The following TBC1D14 variants were observed in gnomAD, a reference collection of about 807,000 sequenced individuals.
TBC1D14 encodes the protein TBC1 domain family, member 14.
TBC1D14 carries 26 observed loss-of-function variants against 79.0 expected under a neutral mutation model. The observed-to-expected ratio is 0.33, with a 90% CI of 0.24 to 0.46. The LOEUF is 0.46. Ranked by LOEUF, TBC1D14 falls within the 20% of genes least tolerant of loss-of-function variation. The pLI is 1.00. For synonymous variants in TBC1D14, 394 were observed against 349.9 expected (o/e 1.13, Z -1.40); for missense variants, 769 against 887.6 (o/e 0.87, Z 1.70).
At chr4:6,924,539 G>A (rs940241975) in intron 2 of TBC1D14, among the ~76,000 whole-genome samples, 5 of 152,188 alleles carry the variant, frequency 3.3e-5, no homozygotes, top group Admixed American at 6.5e-5. Flanking sequence ...CTGGCATGCC[G>A]GGTGTTCCAG....
chr4:6,987,404 C>T, intron 3 of TBC1D14: 3 of 1,365,334 alleles, frequency 2.2e-6, no homozygotes, highest in South Asian at 1.7e-5. Flanking sequence ...TGCCCGGTCC[C>T]GTGGGCCTGT....
chr4:7,023,126 C>T (rs374837066), intron 12 of TBC1D14, among the ~76,000 whole-genome samples: 25 of 152,194 alleles, frequency 1.6e-4, no homozygotes, highest in Middle Eastern at 3.4e-3. Flanking sequence ...TGGTCGTGGA[C>T]GCCTGTAATC....
chr4:6,955,556 G>T (rs1250529995), intron 2 of TBC1D14, among the ~76,000 whole-genome samples: 2 of 152,228 alleles, frequency 1.3e-5, no homozygotes, highest in East Asian at 1.9e-4. Flanking sequence ...CTCCATGGGA[G>T]CCGAGTGCTG....
chr4:6,936,452 A>G (rs529344305), intron 2 of TBC1D14, among the ~76,000 whole-genome samples: 38 of 152,268 alleles, frequency 2.5e-4, no homozygotes, highest in Middle Eastern at 3.4e-3. Context: ...GAGTCTCTTC[A>G]TGTCTTGATA....
intron 2 of TBC1D14, among the ~76,000 whole-genome samples, chr4:6,956,297 A>G (rs1295918833): frequency 6.6e-6 from 1 of 152,186 alleles, no homozygotes; most frequent in African/African-American, 2.4e-5. Context: ...GGGATTGTGC[A>G]GGACAGACCA....
At chr4:6,960,205 C>A (rs950897507) in intron 2 of TBC1D14, among the ~76,000 whole-genome samples, 7 of 151,218 alleles carry the variant, frequency 4.6e-5, no homozygotes, top group African/African-American at 1.7e-4. Context: ...CCTTAGTCTA[C>A]CAAGTAGCTG....
chr4:6,980,325 A>G (rs1577115633), intron 3 of TBC1D14, among the ~76,000 whole-genome samples: 1 of 152,186 alleles, frequency 6.6e-6, no homozygotes, highest in African/African-American at 2.4e-5. Flanking sequence ...TCACAAGGAA[A>G]ATTAGAAAAT....
chr4:7,010,625 T>G (rs765280812), intron 10 of TBC1D14, 28 bp from the exon 11 acceptor site: 5 of 1,605,226 alleles, frequency 3.1e-6, no homozygotes, highest in Non-Finnish European at 4.3e-6. Context: ...CCACTGTGAT[T>G]TTAACGTGCC....
At chr4:6,943,262 C>T (rs556320206) in intron 2 of TBC1D14, among the ~76,000 whole-genome samples, 98 of 152,266 alleles carry the variant, frequency 6.4e-4, no homozygotes, top group Non-Finnish European at 1.2e-3. Context: ...AAGAGGACTG[C>T]GCCCAGGACA....
chr4:7,026,191 A>T (rs940201030), intron 13 of TBC1D14, among the ~76,000 whole-genome samples: 9 of 151,894 alleles, frequency 5.9e-5, no homozygotes, highest in Non-Finnish European at 8.8e-5. Context: ...AAATATTTAC[A>T]AAACTAGAAC....
At chr4:6,938,870 T>C (rs1021941997) in intron 2 of TBC1D14, among the ~76,000 whole-genome samples, 27 of 152,242 alleles carry the variant, frequency 1.8e-4, no homozygotes, top group African/African-American at 6.5e-4. Flanking sequence ...TTTCAGGTCA[T>C]TGGGTTCCTC....
At chr4:6,950,590 T>TG (rs397943400) in intron 2 of TBC1D14, among the ~76,000 whole-genome samples, 2 of 1,800 alleles carry the variant, frequency 1.1e-3, no homozygotes, top group Non-Finnish European at 2.9e-3. Context: ...CTTTATTAGA[T>TG]AAGGAAGTCT....
chr4:6,943,585 C>A (rs1713123372), intron 2 of TBC1D14, among the ~76,000 whole-genome samples: 1 of 152,198 alleles, frequency 6.6e-6, no homozygotes, highest in African/African-American at 2.4e-5. Context: ...CGGGCAAATT[C>A]TTGTTTGTCC....
At chr4:6,991,789 G>A (rs1007822895) in intron 3 of TBC1D14, among the ~76,000 whole-genome samples, 1 of 152,160 alleles carries the variant, frequency 6.6e-6, no homozygotes, top group South Asian at 2.1e-4. Context: ...CAGTGTGCAC[G>A]CGTAAAGCAC....
chr4:6,980,081 C>T (rs967636811), intron 3 of TBC1D14, among the ~76,000 whole-genome samples: 1 of 152,108 alleles, frequency 6.6e-6, no homozygotes, highest in Non-Finnish European at 1.5e-5. Flanking sequence ...AACACAGCAC[C>T]CTCCAGCAAA....
intron 6 of TBC1D14, among the ~76,000 whole-genome samples, chr4:6,999,650 G>T (rs901006119): frequency 1.3e-5 from 2 of 152,038 alleles, no homozygotes; most frequent in African/African-American, 4.8e-5. Flanking sequence ...CTGGGGCCTC[G>T]CATGTTCCAG....
chr4:6,979,918 T>A (rs1015604048), intron 3 of TBC1D14, among the ~76,000 whole-genome samples: 1 of 152,150 alleles, frequency 6.6e-6, no homozygotes, highest in Non-Finnish European at 1.5e-5. Flanking sequence ...TGAAGCAAAG[T>A]CTATTAGATC....
chr4:7,023,277 A>G (rs1219346885), intron 12 of TBC1D14, among the ~76,000 whole-genome samples: 1 of 152,154 alleles, frequency 6.6e-6, no homozygotes, highest in Non-Finnish European at 1.5e-5. Flanking sequence ...AAAACAAAAC[A>G]AAAAACATTG....
intron 2 of TBC1D14, among the ~76,000 whole-genome samples, chr4:6,951,550 T>G (rs1357129628): frequency 6.6e-6 from 1 of 152,142 alleles, no homozygotes; most frequent in Non-Finnish European, 1.5e-5. Flanking sequence ...CACAAGGGAA[T>G]TTTTAAAAAT....
Sources: gnomAD v4.1 joint callset for allele counts (sites outside exome capture counted in the v4.1 genomes callset) on GRCh38, gnomAD v4.1.1 for gene constraint, MANE v1.5 for transcripts, NCBI Gene and HGNC (gene_info 2026-07-23, HGNC 2026-07-21) for gene names.